The following L3MBTL1 variants were observed in gnomAD, a reference collection of about 807,000 sequenced individuals.
L3MBTL1 encodes lethal(3)malignant brain tumor-like protein 1.
L3MBTL1 carries 75 observed loss-of-function variants against 105.3 expected under a neutral mutation model. The observed-to-expected ratio is 0.71, with a 90% CI of 0.59 to 0.86. The LOEUF (loss-of-function observed/expected upper bound fraction) is 0.86, where lower values mean the gene tolerates loss of function less well. Among genes scored for constraint, L3MBTL1 ranks in the 40% least tolerant of loss-of-function variants. The probability of loss-of-function intolerance (pLI) is 0.00; values close to 1 mark genes in which losing one functional copy is unlikely to be tolerated. For missense variants in L3MBTL1, 1,069 were observed against 1,126.4 expected (o/e 0.95, Z 0.73); for synonymous variants, 452 against 436.2 (o/e 1.04, Z -0.45).
chr20:43,548,229 A>G (rs990050197), exon 19 of L3MBTL1: 3 of 1,304,174 alleles, frequency 2.3e-6, no homozygotes, highest in Non-Finnish European at 3.0e-6. Flanking sequence ...AAAAACGCTG[A>G]TGACACCTTA....
At position 43,541,002 on chromosome 20, in the gene L3MBTL1, C is replaced by T; in HGVS notation, c.2463C>T (p.Asp821=). 1 of 1,614,134 alleles carries T rather than the reference C, an allele frequency of 6.2e-7. No individual in the cohort carries two copies. The highest frequency in any genetic ancestry group is 8.5e-7 in the Non-Finnish European group (1 of 1,180,030). Residue 821 remains aspartate (D), a synonymous_variant, in exon 22 of 22, where the codon GAC becomes GAT. Transcript: ENST00000418998. Reference sequence around the variant, plus strand: ...TCTGGACTGTGGCCCAGCTTGGGGACCTTGTGTGCTCAGATCATCTTCAGG... The same window carrying T: ...TCTGGACTGTGGCCCAGCTTGGGGATCTTGTGTGCTCAGATCATCTTCAGG... The part of the protein sequence containing the change: ...TLVWTVAQLG[D]LVCSDHLQEG...
At chr20:43,519,721 G>A (rs1281207388) in intron 7 of L3MBTL1, among the ~76,000 whole-genome samples, 2 of 152,306 alleles carry the variant, frequency 1.3e-5, no homozygotes, top group East Asian at 1.9e-4. Flanking sequence ...GCACGTTGTA[G>A]CCTCAAACTC....
chr20:43,540,153 C>T lies in L3MBTL1; in HGVS notation c.2176C>T (p.Leu726Phe), dbSNP rs1187609667. 2 of 1,611,434 alleles carry T rather than the reference C, an allele frequency of 1.2e-6. No individual in the cohort carries two copies. The highest frequency in any genetic ancestry group is 1.3e-5 in the African/African-American group (1 of 74,926). ...RKIPQEDFQT[L>F]TPDVVHQSLF... ...CAGCCTCTGCCTCTGCTTTCCAGCC[C>T]TCACGCCCGATGTCGTGCACCAGTC... The change falls in exon 20 of 22, where the codon CTC (leucine) becomes TTC (phenylalanine). Residue 726 changes from leucine (L) to phenylalanine (F), a missense_variant and splice_region_variant. By Grantham distance (22) the Leu-to-Phe change is conservative. Coordinates refer to ENST00000418998, the MANE Select transcript of L3MBTL1 (RefSeq NM_001377303.1).
intron 7 of L3MBTL1, among the ~76,000 whole-genome samples, chr20:43,523,059 G>C (rs1358101260): frequency 6.6e-6 from 1 of 151,628 alleles, no homozygotes; most frequent in Admixed American, 6.6e-5. Context: ...AGTGAGCCGA[G>C]ATCCGCCACT....
Position 43,515,031 on chromosome 20 carries a change from A to C in L3MBTL1, c.525A>C (p.Pro175=), listed in dbSNP as rs1251142557. 1 of 1,614,042 alleles carries C rather than the reference A, an allele frequency of 6.2e-7. No homozygotes were observed. The highest frequency in any genetic ancestry group is 2.2e-5 in the East Asian group (1 of 44,884). The change falls in exon 5 of 22, where the codon CCA becomes CCC. Residue 175 remains proline, a synonymous_variant. Coordinates refer to ENST00000418998, the MANE Select transcript of L3MBTL1 (RefSeq NM_001377303.1). The part of the protein sequence containing the change: ...QQAEDHPQNP[P]EDPNQDPPED... ...CAGAGGACCACCCCCAGAATCCTCC[A>C]GAAGATCCCAATCAGGACCCCCCAG...
chr20:43,514,943 G>A, intron 4 of L3MBTL1, 66 bp from the exon 5 acceptor site: 2 of 1,570,054 alleles, frequency 1.3e-6, no homozygotes, highest in Non-Finnish European at 1.7e-6. Flanking sequence ...GCCTGAGGGG[G>A]CGTGGGCGGA....
intron 2 of L3MBTL1, 24 bp downstream of exon 2, chr20:43,513,663 C>T (rs767909918): frequency 2.8e-5 from 44 of 1,550,376 alleles, no homozygotes; most frequent in Non-Finnish European, 3.7e-5. Flanking sequence ...GGGTAGGAGT[C>T]TGGGAAGGAA....
At chr20:43,543,106 G>GTT (rs55725272), downstream of L3MBTL1, among the ~76,000 whole-genome samples, 123 of 147,406 alleles carry the variant, frequency 8.3e-4, no homozygotes, top group Non-Finnish European at 8.2e-4. Flanking sequence ...GCACCACTGA[G>GTT]TTTTTTTTTT....
At chr20:43,545,839 CTG>C (rs1476528317), downstream of L3MBTL1, among the ~76,000 whole-genome samples, 2 of 152,218 alleles carry the variant, frequency 1.3e-5, no homozygotes, top group African/African-American at 4.8e-5. Context: ...GATCAGGTAA[CTG>C]TTTTCTCAGA....
At chr20:43,542,611 C>CAA (rs5841503), downstream of L3MBTL1, among the ~76,000 whole-genome samples, 6 of 112,664 alleles carry the variant, frequency 5.3e-5, no homozygotes, top group African/African-American at 1.0e-4. Context: ...AAAAATTTAA[C>CAA]AAAAAAAAAA....
At chr20:43,520,330 C>T (rs770861806) in intron 7 of L3MBTL1, among the ~76,000 whole-genome samples, 18 of 152,082 alleles carry the variant, frequency 1.2e-4, no homozygotes, top group East Asian at 1.9e-4. Flanking sequence ...TCTACTTTTG[C>T]GCTATTATGA....
chr20:43,523,419 G>T, intron 7 of L3MBTL1: 1 of 220,154 alleles, frequency 4.5e-6, no homozygotes, highest in South Asian at 7.8e-5. Flanking sequence ...TGGATCCTGA[G>T]AGCTGATAAG....
chr20:43,546,255 G>A (rs1978591481), downstream of L3MBTL1, among the ~76,000 whole-genome samples: 1 of 152,250 alleles, frequency 6.6e-6, no homozygotes, highest in Non-Finnish European at 1.5e-5. Context: ...GGAGCTAGGT[G>A]TGAGGAGGGC....
Position 43,532,775 on chromosome 20 carries a change from T to C in L3MBTL1, c.1287T>C (p.Ser429=). 6.2e-7 allele frequency: 1 copy of C among 1,614,014 alleles called. No individual in the cohort carries two copies. ...GGCAGCTCCTTTTTTTCCCCTAGAG[T>C]CCCCCACCCCTGGGCTTCCAGGTGG... ...PKHLFVSQSH[S]PPPLGFQVGM... is the part of the protein sequence containing the mutation. Residue 429 remains serine (S), a splice_region_variant and synonymous_variant, in exon 12 of 22, where the codon AGT becomes AGC. Coordinates refer to ENST00000418998, the MANE Select transcript of L3MBTL1 (RefSeq NM_001377303.1).
rs771725544 is a variant in L3MBTL1 at position 43,533,409 on chromosome 20, C to T, written c.1504C>T (p.Pro502Ser). Residue 502 changes from proline to serine, a missense_variant, in exon 13 of 22, where the codon CCT becomes TCT. By Grantham distance (74) the Pro-to-Ser change is moderately conservative. Transcript: ENST00000418998. ...CCAGAAGCAAGGAAAGCCCCTCACC[C>T]CTCCACAAGGTGACCCTGCAGCCTG... is the stretch of plus-strand genomic sequence containing the variant. ...WCQKQGKPLT[P>S]PQDYPDPDNF... The T allele has an allele frequency of 1.9e-6, 3 of 1,613,358 alleles. No individual in the cohort carries two copies. Among genetic ancestry groups the T allele is most frequent in the Admixed American group, 1.7e-5 (1 of 59,912 alleles).
chr20:43,511,068 T>C (rs2018122469), intron 1 of L3MBTL1, among the ~76,000 whole-genome samples: 1 of 151,894 alleles, frequency 6.6e-6, no homozygotes, highest in Non-Finnish European at 1.5e-5. Flanking sequence ...GTTTTTGAGA[T>C]GGAGTCTTGC....
chr20:43,539,025 A>G lies in L3MBTL1; in HGVS notation c.2174-1126A>G, dbSNP rs563374450. The stretch of plus-strand genomic sequence containing the variant: ...ATGGGCAGGTATTAGGATTTCGCTG[A>G]TGAACAGAGAGAGCAGCAGGAAGGC... On this transcript the variant is annotated intron_variant, in intron 19 of 21. Transcript: ENST00000418998. The G allele has an allele frequency of 1.0e-4, 16 of 152,804 alleles. No homozygotes were observed. In the South Asian group the frequency reaches 3.3e-3, roughly 32 times the overall value. 9.5% of individuals were successfully genotyped at this position (152,804 alleles called of 1,614,324 possible). A position where few individuals can be genotyped will look rare whatever the true frequency, so the allele number is the denominator to read the frequency against.
At position 43,534,364 on chromosome 20, in the gene L3MBTL1, C is replaced by T. The variant is rs373936477; in HGVS notation, c.1680C>T (p.Ser560=). 2.4e-5 allele frequency: 39 copies of T among 1,613,924 alleles called. No individual in the cohort carries two copies. Among genetic ancestry groups the T allele is most frequent in the Middle Eastern group, 1.6e-4 (1 of 6,084 alleles). ...ACCCAGCCCTGATTCGCGTGGCCAGCGTGGAGGATGTGGAGGACCATCGGA... is the reference window on the plus strand; with the variant it reads ...ACCCAGCCCTGATTCGCGTGGCCAGTGTGGAGGATGTGGAGGACCATCGGA... ...RRNPALIRVA[S]VEDVEDHRIK... is the part of the protein sequence containing the mutation. Residue 560 remains serine (S), a synonymous_variant, in exon 15 of 22, where the codon AGC becomes AGT. Coordinates refer to ENST00000418998, the MANE Select transcript of L3MBTL1 (RefSeq NM_001377303.1).
chr20:43,532,519 C>G (rs777596432), intron 11 of L3MBTL1: 2 of 431,352 alleles, frequency 4.6e-6, no homozygotes, highest in African/African-American at 4.0e-5. Context: ...CGCATAGCCT[C>G]CTTCCAGGCA....
Sources: gnomAD v4.1 joint callset for allele counts (sites outside exome capture counted in the v4.1 genomes callset) on GRCh38, gnomAD v4.1.1 for gene constraint, MANE v1.5 for transcripts, NCBI Gene and HGNC (gene_info 2026-07-23, HGNC 2026-07-21) for gene names.